SPATS2: variants seen among roughly 807,000 people sequenced by gnomAD.
SPATS2 encodes spermatogenesis-associated serine-rich protein 2.
In SPATS2, 38 loss-of-function variants were observed where a neutral mutation model predicts 63.7. The observed-to-expected ratio is 0.60, with a 90% CI of 0.46 to 0.78. SPATS2 has a LOEUF of 0.78. Among genes scored for constraint, SPATS2 ranks in the 30% least tolerant of loss-of-function variants. The pLI is 0.00. For synonymous variants in SPATS2, 207 were observed against 232.9 expected, an observed-to-expected ratio of 0.89 and a Z score of 1.01; for missense variants, 588 against 666.2, an observed-to-expected ratio of 0.88 and a Z score of 1.29.
chr12:49,486,142 T>C (rs1379927507), intron 4 of SPATS2: 2 of 429,928 alleles, frequency 4.7e-6, no homozygotes, highest in East Asian at 1.4e-4. Flanking sequence ...TTTTAAGTTA[T>C]CAGAATCTTA....
At position 49,482,065 on chromosome 12, in the gene SPATS2, TTAAAG is replaced by T. The variant is rs1378232788; in HGVS notation, c.26-2521_26-2517del. ...TAAGAGACATTTAGGTGCCAGTTGA[TTAAAG>T]TAAGGTTTTGAATCTACTTGAGGTG... On this transcript the variant is annotated intron_variant, in intron 3 of 13. Transcript: ENST00000552918. 1.5e-4 allele frequency among the ~76,000 whole-genome samples: 23 copies of T among 152,380 alleles called. No homozygotes were observed. In the East Asian group the frequency reaches 3.8e-3, roughly 26 times the overall value.
chr12:49,488,983 A>G (rs1055574719), intron 4 of SPATS2, among the ~76,000 whole-genome samples: 19 of 152,322 alleles, frequency 1.2e-4, no homozygotes, highest in African/African-American at 4.6e-4. Context: ...ATTATGTTTT[A>G]TATGCCTAAC....
Position 49,456,110 on chromosome 12 carries a change from G to T in SPATS2, c.-243-4660G>T, listed in dbSNP as rs544257815. Among the ~76,000 whole-genome samples, 6 of 152,174 alleles carry T rather than the reference G, an allele frequency of 3.9e-5. No homozygotes were observed. The East Asian group carries it at 1.2e-3, about 29-fold the overall frequency. On this transcript the variant is annotated intron_variant, in intron 2 of 13. Coordinates refer to ENST00000552918, the MANE Select transcript of SPATS2 (RefSeq NM_023071.4). Reference sequence around the variant, plus strand: ...TTTCTGTGCTTTGCTTCACAAGTCAGCCCCCTCTGTCAGTGAAGCTGCTGG... The same window carrying T: ...TTTCTGTGCTTTGCTTCACAAGTCATCCCCCTCTGTCAGTGAAGCTGCTGG...
Position 49,494,921 on chromosome 12 carries a change from G to A in SPATS2, c.445G>A (p.Glu149Lys). Residue 149 changes from glutamate to lysine, a missense_variant, in exon 7 of 14, where the codon GAA becomes AAA. Coordinates refer to ENST00000552918, the MANE Select transcript of SPATS2 (RefSeq NM_023071.4). ...NDTESVDSLS[E>K]GLETLSIDAR... ...CACTGAGTCTGTGGACTCACTCAGTGAAGGTTTGGAGACACTTTCAATAGA... is the reference window on the plus strand; with the variant it reads ...CACTGAGTCTGTGGACTCACTCAGTAAAGGTTTGGAGACACTTTCAATAGA... 1 of 1,614,026 alleles carries A rather than the reference G, an allele frequency of 6.2e-7. No homozygotes were observed. The highest frequency in any genetic ancestry group is 1.3e-5 in the African/African-American group (1 of 75,000).
chr12:49,403,594 TACACAC>T (rs5798102), intron 2 of SPATS2, among the ~76,000 whole-genome samples: 1,315 of 128,470 alleles, frequency 0.01, 9 homozygotes, highest in African/African-American at 0.026. Flanking sequence ...TGCCACTGTC[TACACAC>T]ACACACACAC....
Position 49,496,927 on chromosome 12 carries a change from ATC to A in SPATS2, c.628_629del (p.Ser210LysfsTer22). 2 of 1,612,828 alleles carry A rather than the reference ATC, an allele frequency of 1.2e-6. No individual in the cohort carries two copies. The highest frequency in any genetic ancestry group is 1.1e-5 in the South Asian group (1 of 90,692). On this transcript the variant is annotated frameshift_variant, in exon 8 of 14. Coordinates refer to ENST00000552918, the MANE Select transcript of SPATS2 (RefSeq NM_023071.4). LOFTEE classifies it high-confidence loss of function. ...CTCAACAACCCAGGAATGCTGCCAA[ATC>A]TCTCTCAAGACCTACCACAGAAACT... is the stretch of plus-strand genomic sequence containing the variant. ...NSQQPRNAAKSLSRPTTETQF... is the reference protein window; with the variant it reads ...NSQQPRNAAKXLSRPTTETQF...
chr12:49,396,375 T>C (rs1944511892), intron 2 of SPATS2, among the ~76,000 whole-genome samples: 1 of 152,204 alleles, frequency 6.6e-6, no homozygotes, highest in African/African-American at 2.4e-5. Flanking sequence ...TTCTTATTCT[T>C]GGGGTGCTGT....
chr12:49,517,874 T>C (rs1946877446), intron 10 of SPATS2, among the ~76,000 whole-genome samples: 1 of 152,296 alleles, frequency 6.6e-6, no homozygotes, highest in Non-Finnish European at 1.5e-5. Flanking sequence ...GGATTTCTGA[T>C]AGCCCTGAAT....
rs796711292 is a variant in SPATS2, at chr12:49,452,733, TG to T, written c.-243-8036del. 2.2e-4 allele frequency among the ~76,000 whole-genome samples: 33 copies of T among 152,276 alleles called. 1 individual carries two copies. Among genetic ancestry groups the T allele is most frequent in the African/African-American group, 7.0e-4 (29 of 41,572 alleles). ...TTATTTTCCAAATTTATTTGTGCCC[TG>T]TTTATATCATGGTTCTCTTTATTTT... On this transcript the variant is annotated intron_variant, in intron 2 of 13. Transcript: ENST00000552918.
At chr12:49,493,817 A>G (rs1206735550) in intron 6 of SPATS2, among the ~76,000 whole-genome samples, 2 of 152,230 alleles carry the variant, frequency 1.3e-5, no homozygotes, top group African/African-American at 2.4e-5. Context: ...TTATGCATAT[A>G]TAAGTAAATA....
chr12:49,455,821 T>G (rs2137644314), intron 2 of SPATS2, among the ~76,000 whole-genome samples: 1 of 152,274 alleles, frequency 6.6e-6, no homozygotes, highest in South Asian at 2.1e-4. Flanking sequence ...ACAGTCTTGC[T>G]ATGTTGGCCC....
intron 2 of SPATS2, among the ~76,000 whole-genome samples, chr12:49,438,912 A>C (rs1945365956): frequency 6.6e-6 from 1 of 152,224 alleles, no homozygotes; most frequent in Admixed American, 6.5e-5. Flanking sequence ...CTCTGTCCTC[A>C]TGGAGTCCAA....
chr12:49,443,678 AGTCT>A (rs1945463161), intron 2 of SPATS2, among the ~76,000 whole-genome samples: 1 of 152,128 alleles, frequency 6.6e-6, no homozygotes, highest in Non-Finnish European at 1.5e-5. Flanking sequence ...ATGAGGTAAA[AGTCT>A]GAGTTCATTT....
intron 2 of SPATS2, among the ~76,000 whole-genome samples, chr12:49,383,032 T>C (rs956504423): frequency 2.6e-5 from 4 of 151,848 alleles, no homozygotes; most frequent in African/African-American, 9.7e-5. Context: ...ATTATTATTA[T>C]TTTAAAACAG....
chr12:49,486,161 G>A (rs1946289124), intron 4 of SPATS2: 1 of 444,546 alleles, frequency 2.2e-6, no homozygotes, highest in Non-Finnish European at 4.5e-6. Flanking sequence ...TACCTTTATC[G>A]TAGAGTCTGT....
chr12:49,497,532 C>T (rs1043809723), intron 8 of SPATS2, among the ~76,000 whole-genome samples: 2 of 151,782 alleles, frequency 1.3e-5, no homozygotes, highest in Non-Finnish European at 2.9e-5. Context: ...GTAGCTGGGA[C>T]TACAGGCGAG....
At chr12:49,407,187 A>C (rs1179642554) in intron 2 of SPATS2, among the ~76,000 whole-genome samples, 3 of 152,158 alleles carry the variant, frequency 2.0e-5, no homozygotes, top group Non-Finnish European at 4.4e-5. Flanking sequence ...CTCAGATTCA[A>C]ACTGCTGTCC....
chr12:49,389,420 C>T (rs1460511542), intron 2 of SPATS2: 3 of 609,958 alleles, frequency 4.9e-6, no homozygotes, highest in Admixed American at 5.8e-5. Context: ...GGAGTCTCTT[C>T]CCTTGGGTGC....
At chr12:49,412,000 A>G (rs763539627) in intron 2 of SPATS2, among the ~76,000 whole-genome samples, 28 of 152,308 alleles carry the variant, frequency 1.8e-4, no homozygotes, top group Middle Eastern at 3.4e-3. Flanking sequence ...CGAATTGTAT[A>G]TCTTCAAATG....
Sources: gnomAD v4.1 joint callset for allele counts (sites outside exome capture counted in the v4.1 genomes callset) on GRCh38, gnomAD v4.1.1 for gene constraint, MANE v1.5 for transcripts, NCBI Gene and HGNC (gene_info 2026-07-23, HGNC 2026-07-21) for gene names.